The following RARB variants were observed in gnomAD, a reference collection of about 807,000 sequenced individuals.
RARB encodes retinoic acid receptor beta.
A neutral mutation model predicts 51.9 loss-of-function variants in RARB; 17 were observed. The observed-to-expected ratio is 0.33, with a 90% CI of 0.22 to 0.49. RARB has a LOEUF of 0.49. Among genes scored for constraint, RARB ranks in the 20% least tolerant of loss-of-function variants. The pLI, the probability that RARB is intolerant of heterozygous loss-of-function variation, is 0.99. For synonymous variants in RARB, 215 were observed against 195.4 expected, an observed-to-expected ratio of 1.10 and a Z score of -0.84; for missense variants, 369 against 550.8, an observed-to-expected ratio of 0.67 and a Z score of 3.30.
chr3:24,865,266 T>A (rs544394776), intron 2 of RARB, among the ~76,000 whole-genome samples: 66 of 152,232 alleles, frequency 4.3e-4, no homozygotes, highest in African/African-American at 1.5e-3. Flanking sequence ...TGCACTCAAG[T>A]CTCACAGTTG....
chr3:25,543,382 T>C, intron 3 of RARB, among the ~76,000 whole-genome samples: 1 of 152,172 alleles, frequency 6.6e-6, no homozygotes, highest in East Asian at 1.9e-4. Flanking sequence ...GTTCCTACTC[T>C]CCTTGACATA....
chr3:25,200,129 A>G (rs1198259977), intron 5 of RARB, among the ~76,000 whole-genome samples: 1 of 151,998 alleles, frequency 6.6e-6, no homozygotes, highest in Non-Finnish European at 1.5e-5. Flanking sequence ...CTTTTTAATG[A>G]TCTCCATTCT....
intron 2 of RARB, among the ~76,000 whole-genome samples, chr3:25,495,673 T>C (rs1051748384): frequency 1.3e-5 from 2 of 152,174 alleles, no homozygotes; most frequent in Non-Finnish European, 2.9e-5. Flanking sequence ...GGTAGGAAGA[T>C]TGAAAAATCC....
intron 2 of RARB, among the ~76,000 whole-genome samples, chr3:25,007,888 G>A (rs1575116313): frequency 1.3e-5 from 2 of 152,020 alleles, no homozygotes; most frequent in Non-Finnish European, 2.9e-5. Flanking sequence ...TTCCATGCTC[G>A]CTTTATACCC....
chr3:25,347,672 G>A (rs994852394), intron 5 of RARB, among the ~76,000 whole-genome samples: 2 of 152,174 alleles, frequency 1.3e-5, no homozygotes, highest in Non-Finnish European at 2.9e-5. Flanking sequence ...TGTAAAATTA[G>A]CAAAGGGCCC....
intron 5 of RARB, among the ~76,000 whole-genome samples, chr3:25,285,588 A>AG (rs1703630932): frequency 6.6e-6 from 1 of 152,130 alleles, no homozygotes; most frequent in African/African-American, 2.4e-5. Flanking sequence ...CCTAGGTGAG[A>AG]GGGGAGGGTG....
At chr3:25,080,028 T>C (rs1181884210) in intron 3 of RARB, among the ~76,000 whole-genome samples, 3 of 152,202 alleles carry the variant, frequency 2.0e-5, no homozygotes, top group African/African-American at 4.8e-5. Flanking sequence ...ACAACCATCA[T>C]CATGATTTCC....
rs139884889 is a variant in RARB, at chr3:25,217,477, C to T, written c.178+42902C>T. Among the ~76,000 whole-genome samples the T allele has an allele frequency of 2.7e-3, 414 of 151,872 alleles. 2 individuals are homozygous for T. The highest frequency in any genetic ancestry group is 9.6e-3 in the African/African-American group (398 of 41,338). On this transcript the variant is annotated intron_variant, in intron 5 of 11. Transcript: ENST00000383772. The stretch of plus-strand genomic sequence containing the variant: ...AATGATTGAGAGAGGACAAAGGGGG[C>T]ATGAAAAGGCCTACTCCCACCCCCC...
intron 2 of RARB, among the ~76,000 whole-genome samples, chr3:24,977,007 T>C (rs908822742): frequency 1.3e-5 from 2 of 152,218 alleles, no homozygotes; most frequent in African/African-American, 4.8e-5. Flanking sequence ...GCACCGCTTA[T>C]TAAATAGGGA....
intron 5 of RARB, among the ~76,000 whole-genome samples, chr3:25,421,359 C>A (rs1707854202): frequency 7.1e-6 from 1 of 140,780 alleles, no homozygotes; most frequent in Admixed American, 7.0e-5. Flanking sequence ...TATCGGACTT[C>A]ATTTTGTCCT....
At chr3:25,244,762 G>A (rs926550046) in intron 5 of RARB, among the ~76,000 whole-genome samples, 3 of 152,200 alleles carry the variant, frequency 2.0e-5, no homozygotes, top group Admixed American at 2.0e-4. Flanking sequence ...TAAGTGCTAT[G>A]TAGTGCTGAG....
chr3:24,993,031 TA>T (rs1472484571), intron 2 of RARB, among the ~76,000 whole-genome samples: 17 of 152,152 alleles, frequency 1.1e-4, no homozygotes, highest in African/African-American at 4.1e-4. Context: ...GTTACAGAAA[TA>T]AAAAATATTA....
chr3:25,382,442 C>T (rs1346101053), intron 5 of RARB, among the ~76,000 whole-genome samples: 1 of 152,230 alleles, frequency 6.6e-6, no homozygotes, highest in Non-Finnish European at 1.5e-5. Context: ...ACTGGGTAGC[C>T]TCATCCATGG....
intron 2 of RARB, among the ~76,000 whole-genome samples, chr3:25,471,424 G>A (rs558234614): frequency 1.3e-5 from 2 of 152,180 alleles, no homozygotes; most frequent in South Asian, 4.2e-4. Flanking sequence ...CCTTTTCCTA[G>A]TAATAATTCC....
chr3:25,364,416 T>G (rs1366848136), intron 5 of RARB, among the ~76,000 whole-genome samples: 1 of 152,212 alleles, frequency 6.6e-6, no homozygotes, highest in African/African-American at 2.4e-5. Context: ...CTTCCCAGAA[T>G]AATGCACATC....
chr3:25,047,305 GA>G (rs911515739), intron 2 of RARB, among the ~76,000 whole-genome samples: 2 of 151,982 alleles, frequency 1.3e-5, no homozygotes, highest in Non-Finnish European at 2.9e-5. Context: ...AAAAGAAAGA[GA>G]AAAAAACCCT....
At chr3:24,871,892 C>T (rs761602953) in intron 2 of RARB, among the ~76,000 whole-genome samples, 3 of 152,094 alleles carry the variant, frequency 2.0e-5, no homozygotes, top group East Asian at 1.9e-4. Context: ...CCTATTAGCT[C>T]TTCTTTCAAA....
At chr3:25,018,569 G>A (rs1319147533) in intron 2 of RARB, among the ~76,000 whole-genome samples, 1 of 152,134 alleles carries the variant, frequency 6.6e-6, no homozygotes, top group African/African-American at 2.4e-5. Context: ...ATAGGCAACT[G>A]TTAAAAGAAA....
At chr3:25,436,607 T>C (rs1402635622) in intron 1 of RARB, among the ~76,000 whole-genome samples, 1 of 152,150 alleles carries the variant, frequency 6.6e-6, no homozygotes, top group African/African-American at 2.4e-5. Context: ...CAGGGAAAGT[T>C]GGGGGATGCA....
Sources: gnomAD v4.1 joint callset for allele counts (sites outside exome capture counted in the v4.1 genomes callset) on GRCh38, gnomAD v4.1.1 for gene constraint, MANE v1.5 for transcripts, NCBI Gene and HGNC (gene_info 2026-07-23, HGNC 2026-07-21) for gene names.